GRB14: variants seen among roughly 807,000 people sequenced by gnomAD.
GRB14 encodes the protein growth factor receptor bound protein 14.
In GRB14, 38 loss-of-function variants were observed where a neutral mutation model predicts 69.1. The observed-to-expected ratio is 0.55, with a 90% confidence interval of 0.42 to 0.72. GRB14 has a LOEUF of 0.72. GRB14 is among the 30% of genes least tolerant of loss of function. The probability of loss-of-function intolerance (pLI) is 0.00; values close to 1 mark genes in which losing one functional copy is unlikely to be tolerated. For missense variants in GRB14, 666 were observed against 666.1 expected, an observed-to-expected ratio of 1.00 and a Z score of 0.00; for synonymous variants, 247 against 241.3, an observed-to-expected ratio of 1.02 and a Z score of -0.22.
intron 2 of GRB14, among the ~76,000 whole-genome samples, chr2:164,614,662 T>C (rs1690244095): frequency 6.6e-6 from 1 of 152,122 alleles, no homozygotes; most frequent in African/African-American, 2.4e-5. Context: ...ATGGAGTAAA[T>C]GAGGCAAAAT....
intron 3 of GRB14, among the ~76,000 whole-genome samples, chr2:164,546,840 C>A (rs1051165394): frequency 3.0e-4 from 45 of 152,150 alleles, no homozygotes; most frequent in Non-Finnish European, 8.8e-5. Context: ...AAAGGAGACA[C>A]CAAATCAGAG....
intron 2 of GRB14, among the ~76,000 whole-genome samples, chr2:164,618,402 A>T (rs920800674): frequency 4.6e-5 from 7 of 151,860 alleles, no homozygotes; most frequent in Admixed American, 2.6e-4. Flanking sequence ...TTTCCTTGGG[A>T]TCTGACTTTA....
intron 2 of GRB14, among the ~76,000 whole-genome samples, chr2:164,557,788 T>C (rs1688718041): frequency 6.6e-6 from 1 of 152,180 alleles, no homozygotes; most frequent in Non-Finnish European, 1.5e-5. Flanking sequence ...ATTTGTATGA[T>C]ATTACATTTC....
chr2:164,603,239 GGAAAA>G (rs66954496), intron 2 of GRB14, among the ~76,000 whole-genome samples: 23,309 of 152,006 alleles, frequency 0.15, 1,909 homozygotes, highest in African/African-American at 0.18. Context: ...AAAAGCTTTG[GGAAAA>G]GAAAAGATGA....
At chr2:164,596,094 AGCCT>A (rs1267481230) in intron 2 of GRB14, among the ~76,000 whole-genome samples, 2 of 152,214 alleles carry the variant, frequency 1.3e-5, no homozygotes, top group African/African-American at 4.8e-5. Context: ...GCTGCACTCC[AGCCT>A]GATGACAGAG....
chr2:164,517,450 A>C (rs13035519), intron 6 of GRB14, among the ~76,000 whole-genome samples: 23,681 of 152,184 alleles, frequency 0.16, 2,230 homozygotes, highest in East Asian at 0.33. Context: ...TGATGAAAAA[A>C]GAAACAAGGT....
At position 164,508,459 on chromosome 2, in the gene GRB14, A is replaced by C; in HGVS notation, c.1019T>G (p.Leu340Arg). 5 of 1,612,590 alleles carry C rather than the reference A, an allele frequency of 3.1e-6. No individual in the cohort carries two copies. The South Asian group carries it at 5.5e-5, about 18-fold the overall frequency. Residue 340 changes from leucine (L) to arginine (R), a missense_variant, in exon 8 of 14, where the codon CTT (leucine) becomes CGT (arginine). By Grantham distance (102) the Leu-to-Arg change is moderately radical. Coordinates refer to ENST00000263915, the MANE Select transcript of GRB14 (RefSeq NM_004490.3). ...RTCWVTAIRL[L>R]KYGMQLYQNY... ...TCATGCCTCCGGCGAGATTACCTTA[A>C]GCAATCTAATCGCGGTCACCCAGCA...
chr2:164,537,735 C>A (rs1688114975), intron 3 of GRB14, among the ~76,000 whole-genome samples: 1 of 152,166 alleles, frequency 6.6e-6, no homozygotes, highest in Non-Finnish European at 1.5e-5. Context: ...TAGTTGTGGG[C>A]ACTTACTATC....
Position 164,621,095 on chromosome 2 carries a change from C to G in GRB14, c.191+24G>C. ...GCCGGCTGCCCAGCCAGGACACTCC[C>G]CCGCGCCCTCCAGGGTTGCCTACCT... is the stretch of plus-strand genomic sequence containing the variant. On this transcript the variant is annotated intron_variant, in intron 1 of 13. Transcript: ENST00000263915. This position sits in a 1 kb window ranked among gnomAD's most constrained non-coding sequence, Gnocchi z 6.0. 2.4e-6 allele frequency: 3 copies of G among 1,245,848 alleles called. No individual in the cohort carries two copies. The highest frequency in any genetic ancestry group is 3.1e-5 in the African/African-American group (2 of 64,510). 77.2% of individuals were successfully genotyped at this position (1,245,848 alleles called of 1,614,324 possible). A position where few individuals can be genotyped will look rare whatever the true frequency, so the allele number is the denominator to read the frequency against.
chr2:164,611,448 C>T (rs1244833107), intron 2 of GRB14, among the ~76,000 whole-genome samples: 2 of 151,892 alleles, frequency 1.3e-5, no homozygotes, highest in Non-Finnish European at 2.9e-5. Context: ...AAGTGGACTC[C>T]TTAAATTTTG....
chr2:164,618,212 G>C (rs187902785), intron 2 of GRB14, among the ~76,000 whole-genome samples: 1 of 151,816 alleles, frequency 6.6e-6, no homozygotes, highest in East Asian at 1.9e-4. Context: ...TGATCTGCCC[G>C]CCTCAGCCTC....
chr2:164,621,333 C>G lies in GRB14; in HGVS notation c.-24G>C. Reference sequence around the variant, plus strand: ...ATTGTCGCCGGCCGGGGGGCTCGGGCGTCATGGGAGACTCGGCGCGTGGGG... The same window carrying G: ...ATTGTCGCCGGCCGGGGGGCTCGGGGGTCATGGGAGACTCGGCGCGTGGGG... On this transcript the variant is annotated 5_prime_UTR_variant, in exon 1 of 14. Coordinates refer to ENST00000263915, the MANE Select transcript of GRB14 (RefSeq NM_004490.3). This position sits in a 1 kb window ranked among gnomAD's most constrained non-coding sequence, Gnocchi z 6.0. 3.1e-6 allele frequency: 4 copies of G among 1,278,300 alleles called. No individual in the cohort carries two copies. The highest frequency in any genetic ancestry group is 1.5e-5 in the African/African-American group (1 of 65,802). The allele number at this position is 1,278,300 out of a possible 1,614,324, so 79.2% of individuals were successfully genotyped here. A position where few individuals can be genotyped will look rare whatever the true frequency, so the allele number is the denominator to read the frequency against.
rs1019633059 is a variant in GRB14 at position 164,620,691 on chromosome 2, T to C, written c.191+428A>G. ...ATTCTTTCCTGCCGAACAGCAAGAC[T>C]GCTCGAATGTCAATCCATGCTTTGC... On this transcript the variant is annotated intron_variant, in intron 1 of 13. Coordinates refer to ENST00000263915, the MANE Select transcript of GRB14 (RefSeq NM_004490.3). Among the ~76,000 whole-genome samples the C allele has an allele frequency of 4.6e-5, 7 of 152,334 alleles. No homozygotes were observed. The Middle Eastern group carries it at 0.017, about 370-fold the overall frequency.
chr2:164,537,999 G>A (rs1423047455), intron 3 of GRB14, among the ~76,000 whole-genome samples: 1 of 149,544 alleles, frequency 6.7e-6, no homozygotes, highest in Non-Finnish European at 1.5e-5. Flanking sequence ...TACTTCCTTT[G>A]TTAAAAAAAA....
At chr2:164,596,729 A>G (rs1233416112) in intron 2 of GRB14, among the ~76,000 whole-genome samples, 3 of 152,210 alleles carry the variant, frequency 2.0e-5, no homozygotes, top group African/African-American at 4.8e-5. Context: ...GGGACTTGTT[A>G]GCATCTTATT....
chr2:164,591,843 T>C (rs903256462), intron 2 of GRB14, among the ~76,000 whole-genome samples: 2 of 152,134 alleles, frequency 1.3e-5, no homozygotes, highest in African/African-American at 2.4e-5. Flanking sequence ...TCTTGAATTG[T>C]AGCTACCATA....
chr2:164,497,826 A>ACTT (rs1389345187), intron 9 of GRB14, among the ~76,000 whole-genome samples: 1 of 152,148 alleles, frequency 6.6e-6, no homozygotes, highest in Non-Finnish European at 1.5e-5. Flanking sequence ...AAATGGGAAA[A>ACTT]CTTCCATTTA....
At chr2:164,577,502 G>C (rs1689281284) in intron 2 of GRB14, among the ~76,000 whole-genome samples, 1 of 152,180 alleles carries the variant, frequency 6.6e-6, no homozygotes. Context: ...CTGCCATCAT[G>C]TGAAGACATG....
At position 164,493,002 on chromosome 2, in the gene GRB14, C is replaced by T; in HGVS notation, c.*34G>A. 6.4e-7 allele frequency: 1 copy of T among 1,574,472 alleles called. No individual in the cohort carries two copies. The highest frequency in any genetic ancestry group is 8.6e-7 in the Non-Finnish European group (1 of 1,159,486). ...TTTATTATTTTTCTTGAGTCCTTTT[C>T]CTTCAATAGTTTAATAAGTCACTTC... On this transcript the variant is annotated 3_prime_UTR_variant, in exon 14 of 14. Coordinates refer to ENST00000263915, the MANE Select transcript of GRB14 (RefSeq NM_004490.3).
Sources: allele counts gnomAD v4.1 joint callset (sites outside exome capture counted in the v4.1 genomes callset), GRCh38; gene constraint gnomAD v4.1.1; non-coding constraint Gnocchi (gnomAD v3.1); transcripts MANE v1.5; gene names NCBI Gene and HGNC (gene_info 2026-07-23, HGNC 2026-07-21).